DST: variants seen among roughly 807,000 people sequenced by gnomAD.
DST encodes the protein dystonin, also known as bullous pemphigoid antigen.
In DST, 253 loss-of-function variants were observed where a neutral mutation model predicts 875.2. That is an observed-to-expected ratio of 0.29 (90% CI 0.26 to 0.32). The LOEUF (loss-of-function observed/expected upper bound fraction) is 0.32, where lower values mean the gene tolerates loss of function less well. DST is among the 10% of genes least tolerant of loss of function. The pLI, the probability that DST is intolerant of heterozygous loss-of-function variation, is 1.00. For synonymous variants in DST, 3,124 were observed against 3,197.1 expected, an observed-to-expected ratio of 0.98 and a Z score of 0.77; for missense variants, 8,287 against 9,111.6, an observed-to-expected ratio of 0.91 and a Z score of 3.68.
intron 4 of DST, among the ~76,000 whole-genome samples, chr6:56,807,978 G>A (rs1554150685): frequency 1.3e-5 from 2 of 152,062 alleles, no homozygotes; most frequent in Non-Finnish European, 2.9e-5. Context: ...TTTTCTGATA[G>A]AAAAAAATGT....
chr6:56,529,093 C>G (rs2096852313), intron 66 of DST, among the ~76,000 whole-genome samples, 168 bp from the exon 67 acceptor site: 1 of 152,202 alleles, frequency 6.6e-6, no homozygotes. Flanking sequence ...CTTCTTTTCA[C>G]CTCTGTGGCC....
At chr6:56,711,467 C>G (rs1374786796) in intron 5 of DST, among the ~76,000 whole-genome samples, 7 of 152,092 alleles carry the variant, frequency 4.6e-5, no homozygotes, top group Non-Finnish European at 8.8e-5. Context: ...ATCAAGAAAA[C>G]AGATAAAAAA....
intron 3 of DST, among the ~76,000 whole-genome samples, 165 bp downstream of exon 3, chr6:56,900,244 GAACATTCTATGA>G (rs1793453027): frequency 6.6e-6 from 1 of 152,088 alleles, no homozygotes; most frequent in East Asian, 1.9e-4. Flanking sequence ...ATCCATCCTA[GAACATTCTATGA>G]AACCCTATTC....
intron 10 of DST, among the ~76,000 whole-genome samples, chr6:56,667,655 G>A (rs1054888972): frequency 2.0e-5 from 3 of 152,008 alleles, no homozygotes; most frequent in African/African-American, 7.3e-5. Flanking sequence ...GTTCTAAAAA[G>A]GTATTTCTGC....
intron 47 of DST, among the ~76,000 whole-genome samples, chr6:56,594,506 T>C (rs1331404682): frequency 6.6e-6 from 1 of 152,224 alleles, no homozygotes; most frequent in African/African-American, 2.4e-5. Flanking sequence ...TAAGTGTCTA[T>C]AATCTGATCT....
chr6:56,842,916 A>C (rs908124669), intron 4 of DST: 1 of 811,070 alleles, frequency 1.2e-6, no homozygotes, highest in East Asian at 3.4e-5. Flanking sequence ...CCCGTGCAAA[A>C]AGACCTGGTC....
chr6:56,910,819 G>T (rs908236685), intron 2 of DST, among the ~76,000 whole-genome samples: 11 of 152,174 alleles, frequency 7.2e-5, no homozygotes, highest in Non-Finnish European at 1.0e-4. Context: ...TCACAGGTTA[G>T]TAATACAGTG....
chr6:56,489,546 C>T lies in DST; in HGVS notation c.20821G>A (p.Glu6941Lys), dbSNP rs1431465055. The change falls in exon 86 of 104, where the codon GAA becomes AAA. Residue 6941 changes from glutamate (E) to lysine (K), a missense_variant. By Grantham distance (56) the Glu-to-Lys change is moderately conservative (BLOSUM62 1). Transcript: ENST00000680361. ...TCTGGATCATTTGCGATTTCCAGTT[C>T]AGAATCCAAAGACTTTTCTGACTCT... is the stretch of plus-strand genomic sequence containing the variant. ...LEESEKSLDS[E>K]LEIANDPDKI... 1.2e-6 allele frequency: 2 copies of T among 1,613,134 alleles called. No homozygotes were observed. Among genetic ancestry groups the T allele is most frequent in the African/African-American group, 1.3e-5 (1 of 74,908 alleles).
chr6:56,748,828 G>T (rs1482778022), intron 4 of DST, among the ~76,000 whole-genome samples: 1 of 152,144 alleles, frequency 6.6e-6, no homozygotes, highest in African/African-American at 2.4e-5. Flanking sequence ...AGAGGTAAGG[G>T]TGAATCAAAC....
chr6:56,489,402 G>T, intron 86 of DST, 88 bp downstream of exon 86: 3 of 1,348,378 alleles, frequency 2.2e-6, no homozygotes, highest in Admixed American at 2.7e-5. Context: ...TTTCTTTAGT[G>T]ATGAATAAAC....
At chr6:56,506,589 T>C (rs1361472418) in intron 76 of DST, 45 bp from the exon 77 acceptor site, 1 of 1,607,870 alleles carries the variant, frequency 6.2e-7, no homozygotes, top group African/African-American at 1.3e-5. Flanking sequence ...TATTTTAAAC[T>C]TTCAACTACT....
At chr6:56,766,768 T>G (rs983003522) in intron 4 of DST, among the ~76,000 whole-genome samples, 5 of 152,122 alleles carry the variant, frequency 3.3e-5, no homozygotes, top group Non-Finnish European at 7.4e-5. Context: ...TGACCTCAGG[T>G]GATCCACCCG....
intron 4 of DST, among the ~76,000 whole-genome samples, chr6:56,826,120 T>C (rs954788978): frequency 6.6e-6 from 1 of 152,250 alleles, no homozygotes; most frequent in East Asian, 1.9e-4. Context: ...CTCATCCCAC[T>C]GTACTTTGCC....
intron 3 of DST, among the ~76,000 whole-genome samples, chr6:56,872,099 A>G (rs1186067024): frequency 6.6e-6 from 1 of 152,236 alleles, no homozygotes; most frequent in African/African-American, 2.4e-5. Context: ...AAAACTGCAC[A>G]TGAACAGTAA....
At chr6:56,904,398 C>T (rs1036661780) in intron 2 of DST, among the ~76,000 whole-genome samples, 2 of 152,140 alleles carry the variant, frequency 1.3e-5, no homozygotes, top group African/African-American at 2.4e-5. Flanking sequence ...CTGTGCCTTG[C>T]TTCTTCTTTA....
chr6:56,762,534 A>C (rs1440226906), intron 4 of DST, among the ~76,000 whole-genome samples: 11 of 152,222 alleles, frequency 7.2e-5, no homozygotes. Flanking sequence ...TTATCTGTGC[A>C]CTTCTGCCTC....
At chr6:56,937,593 C>T (rs1813694972) in intron 2 of DST, among the ~76,000 whole-genome samples, 1 of 152,152 alleles carries the variant, frequency 6.6e-6, no homozygotes, top group South Asian at 2.1e-4. Context: ...AAAAAAACAA[C>T]TGGAGAATTT....
chr6:56,718,496 G>C (rs2099402745), intron 5 of DST, among the ~76,000 whole-genome samples: 2 of 152,162 alleles, frequency 1.3e-5, no homozygotes, highest in South Asian at 4.1e-4. Flanking sequence ...AAAATAGTTT[G>C]GAGGTTTCTT....
chr6:56,875,665 T>A (rs141536658), intron 3 of DST, among the ~76,000 whole-genome samples: 1 of 152,270 alleles, frequency 6.6e-6, no homozygotes, highest in African/African-American at 2.4e-5. Context: ...GGACACACCA[T>A]CAGGCCAGGA....
Sources: gnomAD v4.1 joint callset for allele counts (sites outside exome capture counted in the v4.1 genomes callset) on GRCh38, gnomAD v4.1.1 for gene constraint, MANE v1.5 for transcripts, NCBI Gene and HGNC (gene_info 2026-07-23, HGNC 2026-07-21) for gene names.